Variants in SSB observed in about 807,000 individuals in gnomAD.
SSB encodes the protein small RNA binding exonuclease protection factor La.
SSB carries 17 observed loss-of-function variants against 52.9 expected under a neutral mutation model. The ratio of observed to expected loss-of-function variants is 0.32; its 90% confidence interval spans 0.22 to 0.48. The LOEUF is 0.48. Among genes scored for constraint, SSB ranks in the 20% least tolerant of loss-of-function variants. The pLI is 0.99. For missense variants in SSB, 314 were observed against 463.6 expected, an observed-to-expected ratio of 0.68 and a Z score of 2.96; for synonymous variants, 111 against 152.1, an observed-to-expected ratio of 0.73 and a Z score of 1.99.
intron 6 of SSB, among the ~76,000 whole-genome samples, chr2:169,807,734 TGTC>T (rs1293236219): frequency 3.0e-5 from 4 of 131,774 alleles, no homozygotes; most frequent in Non-Finnish European, 6.4e-5. Flanking sequence ...ATAGCCTATA[TGTC>T]TTTTTTTTTT....
intron 8 of SSB, among the ~76,000 whole-genome samples, chr2:169,809,393 A>G (rs1342118620): frequency 2.6e-5 from 4 of 152,238 alleles, no homozygotes; most frequent in South Asian, 2.1e-4. Flanking sequence ...AATAAAAAAT[A>G]TAATAAAACA....
At chr2:169,805,887 G>T (rs1282473902) in intron 4 of SSB, 48 bp downstream of exon 4, 1 of 1,544,816 alleles carries the variant, frequency 6.5e-7, no homozygotes, top group East Asian at 2.3e-5. Flanking sequence ...TATTTAGAAA[G>T]TAAAGTACGG....
chr2:169,799,370 CG>C (rs1689656805), intron 1 of SSB: 2 of 145,948 alleles, frequency 1.4e-5, no homozygotes, highest in East Asian at 2.1e-4. Context: ...GAGGTGGGCA[CG>C]GGGTAAACGC....
chr2:169,807,138 A>G (rs1689846653), intron 6 of SSB, 67 bp downstream of exon 6: 10 of 1,320,702 alleles, frequency 7.6e-6, no homozygotes, highest in Non-Finnish European at 1.1e-5. Context: ...GGTAAGGAGC[A>G]TGGAAGTAGT....
intron 1 of SSB, among the ~76,000 whole-genome samples, chr2:169,799,680 T>C (rs1348156110): frequency 2.0e-5 from 3 of 152,044 alleles, no homozygotes; most frequent in African/African-American, 7.2e-5. Flanking sequence ...GGAGTGTAGA[T>C]TGTGATAGAC....
chr2:169,811,355 A>C (rs755346790), intron 11 of SSB, 32 bp downstream of exon 11: 2 of 1,516,504 alleles, frequency 1.3e-6, no homozygotes, highest in Non-Finnish European at 1.8e-6. Context: ...TGGTAGTTTC[A>C]TGAGAAAATT....
Position 169,810,353 on chromosome 2 carries a change from A to T in SSB, c.740A>T (p.Glu247Val), listed in dbSNP as rs4813. ...SGDLDDQTCR[E>V]DLHILFSNHG... ...GATTTAGATGATCAGACCTGTAGAGAAGATTTACACATACTTTTCTCAAAT... is the reference window on the plus strand; with the variant it reads ...GATTTAGATGATCAGACCTGTAGAGTAGATTTACACATACTTTTCTCAAAT... The change falls in exon 9 of 12, where the codon GAA becomes GTA. Residue 247 changes from glutamate (E) to valine (V), a missense_variant. Physicochemically the swap from Glu to Val is moderately radical, Grantham distance 121. Coordinates refer to ENST00000260956, the MANE Select transcript of SSB (RefSeq NM_003142.5). The T allele has an allele frequency of 1.9e-6, 3 of 1,610,290 alleles. No individual in the cohort carries two copies. Among genetic ancestry groups the T allele is most frequent in the Non-Finnish European group, 2.5e-6 (3 of 1,178,970 alleles).
In SSB at chr2:169,808,746, G is replaced by C; in HGVS notation, c.627-114G>C. 8.4e-6 allele frequency: 9 copies of C among 1,072,524 alleles called. No individual in the cohort carries two copies. In the South Asian group the frequency reaches 1.0e-4, roughly 12 times the overall value. 66.4% of individuals were successfully genotyped at this position (1,072,524 alleles called of 1,614,324 possible). A position where few individuals can be genotyped will look rare whatever the true frequency, so the allele number is the denominator to read the frequency against. ...GCATTGGACGATCAAAAAAACCTAA[G>C]GACTTCTGGCTTTGGTTAAGTAAGT... On this transcript the variant is annotated intron_variant, in intron 7 of 11. Coordinates refer to ENST00000260956, the MANE Select transcript of SSB (RefSeq NM_003142.5).
chr2:169,802,447 C>A (rs188117825), intron 2 of SSB, among the ~76,000 whole-genome samples: 1 of 150,422 alleles, frequency 6.6e-6, no homozygotes, highest in Non-Finnish European at 1.5e-5. Flanking sequence ...CACGTCTCTG[C>A]ATTTAAAATG....
chr2:169,805,755 T>G lies in SSB; in HGVS notation c.261T>G (p.Thr87=), dbSNP rs1018255514. The G allele has an allele frequency of 1.9e-6, 3 of 1,613,942 alleles. No homozygotes were observed. The highest frequency in any genetic ancestry group is 2.5e-6 in the Non-Finnish European group (3 of 1,179,988). The change falls in exon 4 of 12, where the codon ACT becomes ACG. Residue 87 remains threonine (T), a synonymous_variant. Coordinates refer to ENST00000260956, the MANE Select transcript of SSB (RefSeq NM_003142.5). ...AELMEISEDK[T]KIRRSPSKPL... ...TCATGGAAATCAGTGAAGATAAAAC[T>G]AAAATCAGAAGGTCTCCAAGCAAAC... is the stretch of plus-strand genomic sequence containing the variant.
At chr2:169,808,759 T>C in intron 7 of SSB, 101 bp from the exon 8 acceptor site, 1 of 1,131,972 alleles carries the variant, frequency 8.8e-7, no homozygotes, top group Non-Finnish European at 1.3e-6. Context: ...CTTCTGGCTT[T>C]GGTTAAGTAA....
rs1257325925 is a variant in SSB at position 169,808,473 on chromosome 2, G to GTT, written c.555-8_555-7dup. 1.2e-6 allele frequency: 2 copies of GTT among 1,610,534 alleles called. No individual in the cohort carries two copies. Among genetic ancestry groups the GTT allele is most frequent in the African/African-American group, 2.7e-5 (2 of 74,858 alleles). On this transcript the variant is annotated splice_polypyrimidine_tract_variant and intron_variant, in intron 6 of 11. Coordinates refer to ENST00000260956, the MANE Select transcript of SSB (RefSeq NM_003142.5). Reference sequence around the variant, plus strand: ...CGTGAACTTAGCCTCTGTACTGTGTGTTCTTTAGGGACGATTACTTTGCCA... The same window carrying GTT: ...CGTGAACTTAGCCTCTGTACTGTGTGTTTTCTTTAGGGACGATTACTTTGCCA...
intron 2 of SSB, among the ~76,000 whole-genome samples, 198 bp downstream of exon 2, chr2:169,801,224 A>C (rs574899530): frequency 6.6e-6 from 1 of 151,744 alleles, no homozygotes; most frequent in Non-Finnish European, 1.5e-5. Flanking sequence ...AAAAGGTAAC[A>C]CTATAAACTA....
intron 8 of SSB, among the ~76,000 whole-genome samples, chr2:169,809,246 T>C (rs1225953379): frequency 6.6e-6 from 1 of 152,152 alleles, no homozygotes; most frequent in Non-Finnish European, 1.5e-5. Flanking sequence ...CCAGGCGTGG[T>C]GGTGCATGCC....
chr2:169,801,040 G>A lies in SSB; in HGVS notation c.66+14G>A, dbSNP rs1689702018. ...CATCAAATTGAGGTATGATTCCTGT[G>A]CTATAAACTGCAAAAACAAGTTCCT... is the stretch of plus-strand genomic sequence containing the variant. On this transcript the variant is annotated intron_variant, in intron 2 of 11. Transcript: ENST00000260956. The A allele has an allele frequency of 1.3e-6, 2 of 1,561,296 alleles. No homozygotes were observed. The highest frequency in any genetic ancestry group is 1.7e-6 in the Non-Finnish European group (2 of 1,159,114).
At chr2:169,810,814 C>T (rs1689935164) in intron 9 of SSB, 44 bp from the exon 10 acceptor site, 1 of 1,548,536 alleles carries the variant, frequency 6.5e-7, no homozygotes, top group African/African-American at 1.4e-5. Flanking sequence ...AATTGTGGGA[C>T]TAAAAACCAA....
chr2:169,803,438 C>T (rs144530946), intron 2 of SSB, among the ~76,000 whole-genome samples: 28 of 152,072 alleles, frequency 1.8e-4, no homozygotes, highest in African/African-American at 5.3e-4. Context: ...TTAGTGGAGA[C>T]GGGGTTTCAC....
chr2:169,807,164 A>G lies in SSB; in HGVS notation c.554+93A>G, dbSNP rs576924111. The G allele has an allele frequency of 9.5e-6, 9 of 948,790 alleles. No individual in the cohort carries two copies. The African/African-American group carries it at 1.3e-4, about 14-fold the overall frequency. 58.8% of individuals were successfully genotyped at this position (948,790 alleles called of 1,614,324 possible). On this transcript the variant is annotated intron_variant, in intron 6 of 11. Transcript: ENST00000260956. ...TGGAAGTAGTATCCCCTGAAAGGCC[A>G]ATATTCTTAGTATCTTTAGATGACC...
At position 169,811,888 on chromosome 2, in the gene SSB, T is replaced by G. The variant is rs1689970069; in HGVS notation, c.*132T>G. The G allele has an allele frequency of 6.2e-7, 1 of 1,609,330 alleles. No individual in the cohort carries two copies. The highest frequency in any genetic ancestry group is 2.2e-5 in the East Asian group (1 of 44,790). ...GAGAAAGGAAAAATTTTTTTGTTGT[T>G]TAACTTGTCTTTTTGTTATGCAAAT... On this transcript the variant is annotated 3_prime_UTR_variant, in exon 12 of 12. Transcript: ENST00000260956.
Sources: gnomAD v4.1 joint callset for allele counts (sites outside exome capture counted in the v4.1 genomes callset) on GRCh38, gnomAD v4.1.1 for gene constraint, MANE v1.5 for transcripts, NCBI Gene and HGNC (gene_info 2026-07-23, HGNC 2026-07-21) for gene names.